PDZRN4: variants seen among roughly 807,000 people sequenced by gnomAD.
PDZRN4 encodes PDZ domain containing ring finger 4, also known as PDZ domain-containing RING finger protein 4.
A neutral mutation model predicts 99.0 loss-of-function variants in PDZRN4; 70 were observed. The observed-to-expected ratio is 0.71, with a 90% CI of 0.58 to 0.86. The LOEUF is 0.86. Among genes scored for constraint, PDZRN4 ranks in the 40% least tolerant of loss-of-function variants. The pLI is 0.00. For missense variants in PDZRN4, 1,474 were observed against 1,331.2 expected (o/e 1.11, Z -1.67); for synonymous variants, 551 against 501.6 (o/e 1.10, Z -1.32).
chr12:41,275,503 G>A (rs1951344772), intron 3 of PDZRN4, among the ~76,000 whole-genome samples: 1 of 152,072 alleles, frequency 6.6e-6, no homozygotes, highest in African/African-American at 2.4e-5. Flanking sequence ...AACAAACTTA[G>A]AAGAAGTGAG....
intron 5 of PDZRN4, among the ~76,000 whole-genome samples, chr12:41,544,742 C>T (rs1938917415): frequency 6.6e-6 from 1 of 152,074 alleles, no homozygotes; most frequent in African/African-American, 2.4e-5. Flanking sequence ...CTTCAGGACC[C>T]CTATTTCAGA....
At chr12:41,193,770 TG>T (rs1950751982) in intron 2 of PDZRN4, among the ~76,000 whole-genome samples, 1 of 152,240 alleles carries the variant, frequency 6.6e-6, no homozygotes, top group African/African-American at 2.4e-5. Flanking sequence ...AGAAGTGAGA[TG>T]TTTTATAAAT....
chr12:41,332,164 A>C (rs1029649224), intron 3 of PDZRN4, among the ~76,000 whole-genome samples: 1 of 152,000 alleles, frequency 6.6e-6, no homozygotes, highest in Non-Finnish European at 1.5e-5. Flanking sequence ...CTCCAGTTAC[A>C]CTCAAGTACC....
chr12:41,387,542 A>T (rs1301962664), intron 3 of PDZRN4, among the ~76,000 whole-genome samples: 2 of 152,174 alleles, frequency 1.3e-5, no homozygotes, highest in Admixed American at 1.3e-4. Context: ...CAGGAAGCCG[A>T]GATCGCACCA....
chr12:41,195,870 C>A (rs986738116), intron 3 of PDZRN4, among the ~76,000 whole-genome samples: 1 of 152,046 alleles, frequency 6.6e-6, no homozygotes, highest in African/African-American at 2.4e-5. Flanking sequence ...TGTCCAGTTA[C>A]CAATGGAAAA....
chr12:41,557,682 CTT>C (rs34041922), intron 7 of PDZRN4, among the ~76,000 whole-genome samples: 2 of 146,298 alleles, frequency 1.4e-5, no homozygotes, highest in Non-Finnish European at 1.5e-5. Context: ...TGCAGAGCTC[CTT>C]TTTTTTTTTT....
chr12:41,437,737 G>T, intron 3 of PDZRN4: 3 of 1,469,414 alleles, frequency 2.0e-6, no homozygotes, highest in Non-Finnish European at 2.7e-6. Context: ...ATCCGTGAGT[G>T]CAAGATACTT....
intron 3 of PDZRN4, among the ~76,000 whole-genome samples, chr12:41,289,541 G>A (rs1951443228): frequency 6.6e-6 from 1 of 152,200 alleles, no homozygotes; most frequent in Non-Finnish European, 1.5e-5. Flanking sequence ...GCTGCATGAA[G>A]ATGGTCAATT....
intron 3 of PDZRN4, among the ~76,000 whole-genome samples, chr12:41,482,108 T>C (rs1037337239): frequency 6.6e-6 from 1 of 152,192 alleles, no homozygotes; most frequent in Admixed American, 6.6e-5. Context: ...GAATCACTGA[T>C]GTCTGACCAT....
intron 3 of PDZRN4, among the ~76,000 whole-genome samples, chr12:41,332,685 CA>C (rs1218684514): frequency 7.5e-6 from 1 of 134,044 alleles, no homozygotes; most frequent in Non-Finnish European, 1.6e-5. Flanking sequence ...GAACTGAGTA[CA>C]AACTACTCCA....
intron 5 of PDZRN4, among the ~76,000 whole-genome samples, chr12:41,541,807 C>T (rs11180989): frequency 1.3e-5 from 2 of 152,048 alleles, no homozygotes; most frequent in Non-Finnish European, 2.9e-5. Flanking sequence ...GATCATTTTG[C>T]GAATGTTTAG....
chr12:41,521,364 C>G (rs925785625), intron 5 of PDZRN4, among the ~76,000 whole-genome samples: 13 of 151,834 alleles, frequency 8.6e-5, no homozygotes, highest in African/African-American at 3.1e-4. Context: ...CTATAAGAAG[C>G]AGTTACCAAA....
intron 3 of PDZRN4, among the ~76,000 whole-genome samples, chr12:41,394,378 C>G (rs1448724452): frequency 2.0e-5 from 3 of 152,160 alleles, no homozygotes; most frequent in Admixed American, 1.3e-4. Flanking sequence ...CTAAGAGATA[C>G]AGGTAAAATC....
At chr12:41,537,098 T>C (rs1938761587) in intron 5 of PDZRN4, among the ~76,000 whole-genome samples, 1 of 152,200 alleles carries the variant, frequency 6.6e-6, no homozygotes, top group Non-Finnish European at 1.5e-5. Flanking sequence ...TGTAACTGAA[T>C]ACTGGTCTGA....
chr12:41,382,977 T>C (rs1367845390), intron 3 of PDZRN4, among the ~76,000 whole-genome samples: 2 of 152,224 alleles, frequency 1.3e-5, no homozygotes, highest in African/African-American at 4.8e-5. Context: ...TTTTTCTCTT[T>C]GGGATTTTCC....
intron 9 of PDZRN4, among the ~76,000 whole-genome samples, chr12:41,570,609 T>G (rs1436885989): frequency 6.6e-6 from 1 of 152,148 alleles, no homozygotes; most frequent in Non-Finnish European, 1.5e-5. Context: ...CTAGTCTTCT[T>G]GTATTTTTCA....
chr12:41,532,116 TG>T (rs1424935004), intron 5 of PDZRN4, among the ~76,000 whole-genome samples: 3 of 152,212 alleles, frequency 2.0e-5, no homozygotes, highest in African/African-American at 7.2e-5. Context: ...GGTTAGAATT[TG>T]GGGCCTAAAT....
rs183302877 is a variant in PDZRN4, at chr12:41,369,410, T to G, written c.844-137046T>G. ...ATACGGTTACCTTTTCCTCTTGTAC[T>G]GTTCATTTCATTTATAAGTAAAATT... On this transcript the variant is annotated intron_variant, in intron 3 of 9. Coordinates refer to ENST00000402685, the MANE Select transcript of PDZRN4 (RefSeq NM_001164595.2). Among the ~76,000 whole-genome samples, 474 of 152,232 alleles carry G rather than the reference T, an allele frequency of 3.1e-3. 5 individuals carry two copies. The highest frequency in any genetic ancestry group is 0.011 in the African/African-American group (451 of 41,590).
At chr12:41,281,923 G>A (rs187713143) in intron 3 of PDZRN4, among the ~76,000 whole-genome samples, 14 of 152,238 alleles carry the variant, frequency 9.2e-5, no homozygotes, top group African/African-American at 2.9e-4. Context: ...AAAACATACC[G>A]AAATGTAAAG....
Sources: gnomAD v4.1 joint callset for allele counts (sites outside exome capture counted in the v4.1 genomes callset) on GRCh38, gnomAD v4.1.1 for gene constraint, MANE v1.5 for transcripts, NCBI Gene and HGNC (gene_info 2026-07-23, HGNC 2026-07-21) for gene names.